Variants in SCARB1 observed in about 807,000 individuals in gnomAD.
SCARB1 encodes the protein scavenger receptor class B member 1, also known as CD36 and LIMPII analogous 1.
Under a neutral mutation model 57.2 loss-of-function variants are expected in SCARB1, and 30 were observed. That is an observed-to-expected ratio of 0.52 (90% CI 0.39 to 0.71). SCARB1 has a LOEUF of 0.71. Ranked by LOEUF, SCARB1 falls within the 30% of genes least tolerant of loss-of-function variation. The pLI is 0.00. For missense variants in SCARB1, 543 were observed against 671.2 expected (o/e 0.81, Z 2.11); for synonymous variants, 249 against 268.3 (o/e 0.93, Z 0.70).
chr12:124,805,725 A>ATTTTTTTTTT (rs755476758), intron 7 of SCARB1, among the ~76,000 whole-genome samples: 1 of 79,570 alleles, frequency 1.3e-5, no homozygotes. Flanking sequence ...TGCCTAGCTA[A>ATTTTTTTTTT]TTTTTTTTTT....
chr12:124,834,935 A>T lies in SCARB1; in HGVS notation c.127-17228T>A, dbSNP rs540970783. Among the ~76,000 whole-genome samples the T allele has an allele frequency of 4.6e-5, 7 of 152,244 alleles. No individual in the cohort carries two copies. In the South Asian group the frequency reaches 1.2e-3, roughly 27 times the overall value. On this transcript the variant is annotated intron_variant, in intron 1 of 12. Transcript: ENST00000261693. The stretch of plus-strand genomic sequence containing the variant: ...CCCCCAAAAAAAAGGCGGTCTCCAA[A>T]CCAGCAACATCAGCATCACTTGGGA...
chr12:124,827,018 T>G (rs948899960), intron 1 of SCARB1, among the ~76,000 whole-genome samples: 6 of 152,046 alleles, frequency 3.9e-5, no homozygotes, highest in African/African-American at 1.4e-4. Flanking sequence ...TTCTTGAAAA[T>G]AACATACGAG....
At chr12:124,839,966 C>A in intron 1 of SCARB1, 1 of 154,248 alleles carries the variant, frequency 6.5e-6, no homozygotes, top group Non-Finnish European at 1.2e-5. Context: ...TTTCTCCGCA[C>A]CCTCACCCCA....
chr12:124,863,004 A>C (rs775959814), intron 1 of SCARB1, among the ~76,000 whole-genome samples: 25 of 152,326 alleles, frequency 1.6e-4, no homozygotes, highest in South Asian at 4.1e-4. Flanking sequence ...GGCAGTGAGC[A>C]GGGAGAACAG....
At position 124,814,815 on chromosome 12, in the gene SCARB1, G is replaced by A. The variant is rs112919666; in HGVS notation, c.426+158C>T. ...CCTGGGAAACTCAGAACCCACTGGGGGTGGTGGAGACAGCACAGGGCCGAA... is the reference window on the plus strand; with the variant it reads ...CCTGGGAAACTCAGAACCCACTGGGAGTGGTGGAGACAGCACAGGGCCGAA... On this transcript the variant is annotated intron_variant, in intron 3 of 12. Transcript: ENST00000261693. The surrounding 1 kb of genome is among the most constrained non-coding windows in gnomAD (Gnocchi z 4.7). The A allele has an allele frequency of 8.1e-6, 7 of 869,146 alleles. No individual in the cohort carries two copies. Among genetic ancestry groups the A allele is most frequent in the African/African-American group, 6.6e-5 (4 of 60,346 alleles). 53.8% of individuals were successfully genotyped at this position (869,146 alleles called of 1,614,324 possible).
Position 124,844,817 on chromosome 12 carries a change from CTTTT to C in SCARB1, c.126+18774_126+18777del, listed in dbSNP as rs771987604. Among the ~76,000 whole-genome samples, 34 of 140,996 alleles carry C rather than the reference CTTTT, an allele frequency of 2.4e-4. 2 individuals carry two copies. In the South Asian group the frequency reaches 5.8e-3, roughly 24 times the overall value. The allele number at this position is 140,996 out of a possible 152,430, so 92.5% of individuals were successfully genotyped here. On this transcript the variant is annotated intron_variant, in intron 1 of 12. Coordinates refer to ENST00000261693, the MANE Select transcript of SCARB1 (RefSeq NM_005505.5). Reference sequence around the variant, plus strand: ...TGGACATTTTTTTCTTTCTTTCTTTCTTTTTTTTTTTTTTTTGAGACAGAGTCCT... The same window carrying C: ...TGGACATTTTTTTCTTTCTTTCTTTCTTTTTTTTTTTTGAGACAGAGTCCT...
chr12:124,853,520 G>A (rs952399551), intron 1 of SCARB1, among the ~76,000 whole-genome samples: 2 of 150,120 alleles, frequency 1.3e-5, no homozygotes, highest in African/African-American at 2.5e-5. Flanking sequence ...TCAACCTCCC[G>A]AGTAGCTGGA....
intron 1 of SCARB1, among the ~76,000 whole-genome samples, chr12:124,857,070 G>A (rs554079238): frequency 1.4e-4 from 21 of 152,236 alleles, no homozygotes; most frequent in African/African-American, 1.9e-4. Flanking sequence ...ACCCCCCGCC[G>A]CCCGCCTTAA....
chr12:124,839,415 A>G (rs936253289), intron 1 of SCARB1, among the ~76,000 whole-genome samples: 4 of 152,174 alleles, frequency 2.6e-5, no homozygotes, highest in African/African-American at 7.2e-5. Flanking sequence ...ATCCTATTCC[A>G]ACGTGTGGAT....
At chr12:124,788,746 C>T (rs953174733) in intron 9 of SCARB1, among the ~76,000 whole-genome samples, 2 of 152,214 alleles carry the variant, frequency 1.3e-5, no homozygotes, top group Admixed American at 6.5e-5. Flanking sequence ...CTGATCTATA[C>T]TGCCAAACCT....
chr12:124,795,147 C>A, intron 9 of SCARB1, 48 bp downstream of exon 9: 1 of 1,489,332 alleles, frequency 6.7e-7, no homozygotes, highest in South Asian at 1.1e-5. Flanking sequence ...CACTGAGCAC[C>A]TAATCTCTCA....
chr12:124,788,862 G>A (rs919534514), intron 9 of SCARB1, among the ~76,000 whole-genome samples: 1 of 152,072 alleles, frequency 6.6e-6, no homozygotes, highest in Non-Finnish European at 1.5e-5. Flanking sequence ...GTGTTGCTTG[G>A]ACTAGCAAAG....
At chr12:124,779,429 G>A (rs1436336143) in intron 12 of SCARB1, among the ~76,000 whole-genome samples, 1 of 152,128 alleles carries the variant, frequency 6.6e-6, no homozygotes, top group Non-Finnish European at 1.5e-5. Flanking sequence ...ACAAACCCAC[G>A]TGCCAAGTTC....
rs150290734 is a variant in SCARB1 at position 124,816,306 on chromosome 12, G to A, written c.285-1192C>T. ...TGAGGCAGGGCCTTGGTCTGCCTGC[G>A]CCCCCAGCACACAGGAGGTGCTCAG... On this transcript the variant is annotated intron_variant, in intron 2 of 12. Transcript: ENST00000261693. Among the ~76,000 whole-genome samples the A allele has an allele frequency of 3.3e-3, 502 of 152,192 alleles. 2 individuals are homozygous for A. Among genetic ancestry groups the A allele is most frequent in the African/African-American group, 0.012 (491 of 41,530 alleles).
chr12:124,815,027 G>A lies in SCARB1; in HGVS notation c.372C>T (p.Ser124=). 2 of 1,614,234 alleles carry A rather than the reference G, an allele frequency of 1.2e-6. No homozygotes were observed. The highest frequency in any genetic ancestry group is 2.2e-5 in the East Asian group (1 of 44,880). The change falls in exon 3 of 13, where the codon TCC becomes TCT. Residue 124 remains serine, a synonymous_variant. Transcript: ENST00000261693. The part of the protein sequence containing the change: ...LEYRTFQFQP[S]KSHGSESDYI... ...AGTCGCTCTCCGAGCCGTGGGACTT[G>A]GAGGGCTGGAACTGGAAGGTGCGGT...
chr12:124,805,998 C>T (rs1007057341), intron 7 of SCARB1, among the ~76,000 whole-genome samples: 5 of 152,176 alleles, frequency 3.3e-5, no homozygotes, highest in African/African-American at 1.2e-4. Context: ...GAGCATTTAA[C>T]TTCCGGCCGG....
rs551816862 is a variant in SCARB1 at position 124,850,423 on chromosome 12, G to A, written c.126+13172C>T. On this transcript the variant is annotated intron_variant, in intron 1 of 12. Transcript: ENST00000261693. Reference sequence around the variant, plus strand: ...TTCGTGGCTCACACCTGTAATCCCAGCACTTTGGGAGGTCGAGGTGGGCGG... The same window carrying A: ...TTCGTGGCTCACACCTGTAATCCCAACACTTTGGGAGGTCGAGGTGGGCGG... Among the ~76,000 whole-genome samples the A allele has an allele frequency of 2.5e-4, 38 of 151,968 alleles. 1 individual carries two copies. The highest frequency in any genetic ancestry group is 8.9e-4 in the African/African-American group (37 of 41,428).
chr12:124,852,005 C>T lies in SCARB1; in HGVS notation c.126+11590G>A, dbSNP rs971126273. 2.0e-5 allele frequency among the ~76,000 whole-genome samples: 3 copies of T among 152,076 alleles called. No homozygotes were observed. In the South Asian group the frequency reaches 6.2e-4, roughly 32 times the overall value. Reference sequence around the variant, plus strand: ...TGCTCAGGGAGAGAAACACTCCCAGCCCCAGCCCCATCCAAGACACCTGAT... The same window carrying T: ...TGCTCAGGGAGAGAAACACTCCCAGTCCCAGCCCCATCCAAGACACCTGAT... On this transcript the variant is annotated intron_variant, in intron 1 of 12. Transcript: ENST00000261693.
intron 9 of SCARB1, among the ~76,000 whole-genome samples, chr12:124,791,842 G>C (rs1257879612): frequency 6.6e-6 from 1 of 152,080 alleles, no homozygotes; most frequent in African/African-American, 2.4e-5. Context: ...TGTAATCCCA[G>C]CTACGCGGGA....
Sources: gnomAD v4.1 joint callset for allele counts (sites outside exome capture counted in the v4.1 genomes callset) on GRCh38, gnomAD v4.1.1 for gene constraint, Gnocchi (gnomAD v3.1) non-coding constraint, MANE v1.5 for transcripts, NCBI Gene and HGNC (gene_info 2026-07-23, HGNC 2026-07-21) for gene names.